Variants in CTNNA1 observed in about 807,000 individuals in gnomAD.
CTNNA1 encodes the protein catenin alpha 1, also known as catenin alpha-1.
In CTNNA1, 37 loss-of-function variants were observed where a neutral mutation model predicts 98.4. The observed-to-expected ratio is 0.38, with a 90% CI of 0.29 to 0.49. The LOEUF is 0.49. CTNNA1 is among the 20% of genes least tolerant of loss of function. The pLI, the probability that CTNNA1 is intolerant of heterozygous loss-of-function variation, is 0.95. For synonymous variants in CTNNA1, 404 were observed against 413.2 expected, an observed-to-expected ratio of 0.98 and a Z score of 0.27; for missense variants, 761 against 1,147.2, an observed-to-expected ratio of 0.66 and a Z score of 4.86.
intron 7 of CTNNA1, among the ~76,000 whole-genome samples, chr5:138,857,027 C>T (rs1295896192): frequency 1.3e-5 from 2 of 152,190 alleles, no homozygotes; most frequent in African/African-American, 4.8e-5. Context: ...CCCCAGTCTG[C>T]TGCCCATTTC....
Position 138,873,003 on chromosome 5 carries a change from G to A in CTNNA1, c.1063-13209G>A. The A allele has an allele frequency of 2.5e-6, 4 of 1,573,170 alleles. No homozygotes were observed. The highest frequency in any genetic ancestry group is 1.2e-5 in the South Asian group (1 of 85,820). ...TATCTGATGTGATTTTTGATGATGG[G>A]TAGATATTATACTTCACATTCTTTG... On this transcript the variant is annotated intron_variant, in intron 7 of 17. Transcript: ENST00000302763. The surrounding 1 kb of genome is among the most constrained non-coding windows in gnomAD (Gnocchi z 6.1).
chr5:138,855,258 C>T (rs1473397945), intron 7 of CTNNA1, among the ~76,000 whole-genome samples: 1 of 152,186 alleles, frequency 6.6e-6, no homozygotes. Context: ...AGGCTGGTCT[C>T]GAACTCCTGA....
At chr5:138,881,081 C>T (rs919107062) in intron 7 of CTNNA1, 1 of 456,266 alleles carries the variant, frequency 2.2e-6, no homozygotes, top group East Asian at 6.9e-5. Context: ...GATGTTGATT[C>T]CTCCTTGTAT....
Position 138,934,205 on chromosome 5 carries a change from C to A in CTNNA1, c.*116C>A. On this transcript the variant is annotated 3_prime_UTR_variant, in exon 18 of 18. Transcript: ENST00000302763. ...ATACTAGATTCCACAGGGAAATGGG[C>A]AGACTGAACCAGTCCAGGTGGTGAA... 1.4e-6 allele frequency: 1 copy of A among 725,002 alleles called. No homozygotes were observed. The highest frequency in any genetic ancestry group is 2.2e-6 in the Non-Finnish European group (1 of 446,380). 44.9% of individuals were successfully genotyped at this position (725,002 alleles called of 1,614,324 possible).
chr5:138,862,136 T>C (rs1764341595), intron 7 of CTNNA1, among the ~76,000 whole-genome samples: 1 of 152,190 alleles, frequency 6.6e-6, no homozygotes, highest in Non-Finnish European at 1.5e-5. Flanking sequence ...TTATATGGAA[T>C]AGAGATTTCA....
chr5:138,820,302 A>G (rs1759902118), intron 5 of CTNNA1, among the ~76,000 whole-genome samples: 1 of 151,846 alleles, frequency 6.6e-6, no homozygotes, highest in Non-Finnish European at 1.5e-5. Flanking sequence ...CGCTCACACT[A>G]GGAGCAAGAC....
intron 7 of CTNNA1, among the ~76,000 whole-genome samples, chr5:138,882,438 A>C (rs751305544): frequency 6.6e-6 from 1 of 152,172 alleles, no homozygotes; most frequent in Non-Finnish European, 1.5e-5. Context: ...TGTGTAGAAG[A>C]AGGAGAAAAG....
intron 7 of CTNNA1, among the ~76,000 whole-genome samples, chr5:138,842,564 A>G (rs1762364153): frequency 2.0e-5 from 3 of 152,168 alleles, no homozygotes; most frequent in Non-Finnish European, 4.4e-5. Context: ...ATGCCGTTAA[A>G]GTTTTTCAGT....
chr5:138,775,260 C>T (rs970274437), intron 1 of CTNNA1, among the ~76,000 whole-genome samples: 2 of 152,178 alleles, frequency 1.3e-5, no homozygotes, highest in African/African-American at 4.8e-5. Context: ...TTATCTGTGA[C>T]ATTTGATGAC....
chr5:138,772,529 G>A (rs1168367905), intron 1 of CTNNA1, among the ~76,000 whole-genome samples: 1 of 152,182 alleles, frequency 6.6e-6, no homozygotes, highest in East Asian at 1.9e-4. Context: ...TAAGGCAGGA[G>A]CTTTGTCTTG....
rs543815786 is a variant in CTNNA1 at position 138,896,975 on chromosome 5, C to T, written c.1297-7374C>T. 2.6e-4 allele frequency among the ~76,000 whole-genome samples: 39 copies of T among 152,206 alleles called. No homozygotes were observed. The Middle Eastern group carries it at 0.01, about 40-fold the overall frequency. On this transcript the variant is annotated intron_variant, in intron 9 of 17. Coordinates refer to ENST00000302763, the MANE Select transcript of CTNNA1 (RefSeq NM_001903.5). ...GCATTGTTTTACCTTTTATTTTGCT[C>T]TCTTCTGAGTACATTTTCAATTTTG...
intron 3 of CTNNA1, among the ~76,000 whole-genome samples, chr5:138,802,981 A>T (rs1199391356): frequency 1.3e-5 from 2 of 150,758 alleles, no homozygotes; most frequent in African/African-American, 4.9e-5. Context: ...TTTTTTTTTT[A>T]AATAGAGACA....
chr5:138,789,230 T>G (rs748985604), intron 3 of CTNNA1, among the ~76,000 whole-genome samples: 32 of 149,980 alleles, frequency 2.1e-4, no homozygotes, highest in Non-Finnish European at 3.2e-4. Context: ...ATACGAAAAA[T>G]AATTAATAGC....
At chr5:138,855,447 G>A (rs988127020) in intron 7 of CTNNA1, among the ~76,000 whole-genome samples, 1 of 151,902 alleles carries the variant, frequency 6.6e-6, no homozygotes, top group Non-Finnish European at 1.5e-5. Flanking sequence ...ACCAGCAGAT[G>A]CCCTTTACTT....
At chr5:138,800,170 A>G (rs1213884511) in intron 3 of CTNNA1, among the ~76,000 whole-genome samples, 2 of 152,160 alleles carry the variant, frequency 1.3e-5, no homozygotes, top group Non-Finnish European at 2.9e-5. Flanking sequence ...AAATCCATGA[A>G]GCTGTAGCTG....
intron 3 of CTNNA1, among the ~76,000 whole-genome samples, 157 bp from the exon 4 acceptor site, chr5:138,809,877 AAAAC>A (rs998302531): frequency 2.8e-4 from 42 of 152,290 alleles, no homozygotes; most frequent in Admixed American, 1.5e-3. Context: ...TGATAGCTAT[AAAAC>A]AAACAAAGGA....
chr5:138,930,852 A>G lies in CTNNA1; in HGVS notation c.2215A>G (p.Thr739Ala), dbSNP rs1263577703. ...CAGAGGTAAAGGACCACTCAAAAAT[A>G]CATCGGATGTCATCAGTGCTGCCAA... ...FTRGKGPLKN[T>A]SDVISAAKKI... Residue 739 changes from threonine to alanine, a missense_variant, in exon 16 of 18, where the codon ACA (threonine) becomes GCA (alanine). Transcript: ENST00000302763. The G allele has an allele frequency of 6.2e-7, 1 of 1,612,950 alleles. No individual in the cohort carries two copies. Among genetic ancestry groups the G allele is most frequent in the African/African-American group, 1.3e-5 (1 of 74,898 alleles).
At chr5:138,812,108 A>G in intron 4 of CTNNA1, 75 bp from the exon 5 acceptor site, 1 of 1,395,188 alleles carries the variant, frequency 7.2e-7, no homozygotes, top group Non-Finnish European at 9.9e-7. Flanking sequence ...CAGGAATGAA[A>G]ATTCCTAGGA....
At chr5:138,919,358 T>C (rs1249247503) in intron 11 of CTNNA1, among the ~76,000 whole-genome samples, 1 of 152,148 alleles carries the variant, frequency 6.6e-6, no homozygotes, top group African/African-American at 2.4e-5. Flanking sequence ...TTTTTTGAGA[T>C]TAGGTTGGGT....
Sources: gnomAD v4.1 joint callset for allele counts (sites outside exome capture counted in the v4.1 genomes callset) on GRCh38, gnomAD v4.1.1 for gene constraint, Gnocchi (gnomAD v3.1) non-coding constraint, MANE v1.5 for transcripts, NCBI Gene and HGNC (gene_info 2026-07-23, HGNC 2026-07-21) for gene names.